The following BRI3 variants were observed in gnomAD, a reference collection of about 807,000 sequenced individuals.
BRI3 encodes the protein brain protein I3.
In BRI3, 6 loss-of-function variants were observed where a neutral mutation model predicts 12.8. The ratio of observed to expected loss-of-function variants is 0.47; its 90% CI spans 0.26 to 0.93. BRI3 has a LOEUF of 0.93. Ranked by LOEUF, BRI3 falls within the 40% of genes least tolerant of loss-of-function variation. BRI3 has a pLI of 0.15. For missense variants in BRI3, 134 were observed against 171.1 expected, an observed-to-expected ratio of 0.78 and a Z score of 1.21; for synonymous variants, 91 against 76.1, an observed-to-expected ratio of 1.20 and a Z score of -1.02.
At chr7:98,282,690 A>G in intron 2 of BRI3, 1 of 513,474 alleles carries the variant, frequency 1.9e-6, no homozygotes, top group South Asian at 2.5e-5. Context: ...TCCTTTTCCT[A>G]GATCTTGGGG....
upstream of BRI3, among the ~76,000 whole-genome samples, chr7:98,302,172 A>G (rs1271001591): frequency 2.6e-5 from 4 of 152,192 alleles, no homozygotes; most frequent in African/African-American, 9.7e-5. Flanking sequence ...GATACTTACA[A>G]CCAGGCTTCT....
upstream of BRI3, among the ~76,000 whole-genome samples, chr7:98,305,022 C>T (rs1038715344): frequency 1.0e-4 from 15 of 149,578 alleles, no homozygotes; most frequent in African/African-American, 2.7e-4. Context: ...CCTGCCACCA[C>T]GCCCAGCTAA....
chr7:98,286,170 A>G (rs1584391241), intron 2 of BRI3, among the ~76,000 whole-genome samples: 2 of 152,158 alleles, frequency 1.3e-5, no homozygotes, highest in Admixed American at 6.5e-5. Context: ...CCCTGGACAC[A>G]CCCTCAGCTT....
At chr7:98,310,432 C>G in exon 2 of BRI3, 1 of 1,575,554 alleles carries the variant, frequency 6.3e-7, no homozygotes, top group Non-Finnish European at 8.6e-7. Context: ...ATAAATCAGA[C>G]TGAATCTCTT....
downstream of BRI3, among the ~76,000 whole-genome samples, chr7:98,297,323 G>A (rs536244962): frequency 1.2e-3 from 181 of 152,330 alleles, 1 homozygote; most frequent in Middle Eastern, 3.4e-3. Flanking sequence ...ATAGCCATGC[G>A]CCCAGGTTGG....
intron 2 of BRI3, among the ~76,000 whole-genome samples, chr7:98,290,053 C>T (rs534718088): frequency 6.6e-6 from 1 of 152,194 alleles, no homozygotes; most frequent in Non-Finnish European, 1.5e-5. Flanking sequence ...AACCCACCCC[C>T]GCTACCAAAG....
chr7:98,295,950 G>T (rs949929886), downstream of BRI3, among the ~76,000 whole-genome samples: 1 of 152,186 alleles, frequency 6.6e-6, no homozygotes, highest in Admixed American at 6.5e-5. Flanking sequence ...GTGCACGCAT[G>T]CCTGGGGCCC....
exon 2 of BRI3, chr7:98,308,405 G>A (rs1483118523): frequency 4.9e-6 from 2 of 404,400 alleles, no homozygotes; most frequent in African/African-American, 2.1e-5. Context: ...AGGTGAGGAT[G>A]AGTTCCATTT....
intron 1 of BRI3, chr7:98,306,673 T>C (rs1800669068): frequency 1.0e-5 from 11 of 1,088,170 alleles, no homozygotes; most frequent in South Asian, 1.6e-5. Flanking sequence ...TAGGTAAATA[T>C]GGACTTTCAC....
At chr7:98,316,709 A>G in the BRI3 span, among the ~76,000 whole-genome samples, 1 of 152,116 alleles carries the variant, frequency 6.6e-6, no homozygotes, top group Non-Finnish European at 1.5e-5. Flanking sequence ...GCTATTGGAC[A>G]CTAGAACTTA....
the BRI3 span, among the ~76,000 whole-genome samples, chr7:98,320,853 T>C: frequency 2.4e-5 from 3 of 127,064 alleles, no homozygotes; most frequent in Admixed American, 1.6e-4. Flanking sequence ...CATGAGTCTT[T>C]CTGTTCTGTC....
exon 2 of BRI3, chr7:98,310,060 A>C (rs1800812820): frequency 5.8e-6 from 1 of 171,434 alleles, no homozygotes; most frequent in Non-Finnish European, 1.2e-5. Context: ...CATGTTGGCC[A>C]GGCTGGTCTC....
downstream of BRI3, among the ~76,000 whole-genome samples, chr7:98,297,837 T>C (rs1800254263): frequency 6.6e-6 from 1 of 152,154 alleles, no homozygotes; most frequent in African/African-American, 2.4e-5. Context: ...CGCTGTGAAA[T>C]GCAGGCTTGC....
At chr7:98,299,965 C>T (rs367672127) in intron 1 of BRI3, among the ~76,000 whole-genome samples, 1 of 152,140 alleles carries the variant, frequency 6.6e-6, no homozygotes, top group Non-Finnish European at 1.5e-5. Flanking sequence ...TGCTTGAGCC[C>T]GGGAAGTGGA....
chr7:98,294,212 C>T (rs181707306), downstream of BRI3: 146 of 1,276,188 alleles, frequency 1.1e-4, no homozygotes, highest in East Asian at 2.1e-3. Context: ...AGGCTGGTTT[C>T]GAACTCCTGA....
At chr7:98,304,295 T>C, upstream of BRI3, 1 of 1,613,564 alleles carries the variant, frequency 6.2e-7, no homozygotes, top group East Asian at 2.2e-5. Flanking sequence ...TGGACAAGCA[T>C]TCCAAGTAGT....
intron 2 of BRI3, among the ~76,000 whole-genome samples, chr7:98,287,630 G>A (rs1799753591): frequency 6.6e-6 from 1 of 152,216 alleles, no homozygotes; most frequent in African/African-American, 2.4e-5. Flanking sequence ...CAGCAAGAGT[G>A]AGCAGCCTTC....
At chr7:98,323,156 C>G in the BRI3 span, 1 of 152,236 alleles carries the variant, frequency 6.6e-6, no homozygotes, top group Non-Finnish European at 1.5e-5. Context: ...CAGAACGGGG[C>G]ATGAGAAAAC....
chr7:98,305,057 T>C (rs1584429936), upstream of BRI3, among the ~76,000 whole-genome samples: 2 of 142,162 alleles, frequency 1.4e-5, no homozygotes, highest in Non-Finnish European at 3.0e-5. Context: ...GTTTTTTTTT[T>C]TTTTTTTTTT....
Sources: allele counts gnomAD v4.1 joint callset (sites outside exome capture counted in the v4.1 genomes callset), GRCh38; gene constraint gnomAD v4.1.1; transcripts MANE v1.5; gene names NCBI Gene and HGNC (gene_info 2026-07-23, HGNC 2026-07-21).